The following STK11IP variants were observed in gnomAD, a reference collection of about 807,000 sequenced individuals.
STK11IP encodes serine/threonine-protein kinase 11-interacting protein.
A neutral mutation model predicts 131.7 loss-of-function variants in STK11IP; 103 were observed. The observed-to-expected ratio is 0.78, with a 90% CI of 0.67 to 0.92. The LOEUF is 0.92. STK11IP is among the 40% of genes least tolerant of loss of function. The pLI is 0.00. For synonymous variants in STK11IP, 557 were observed against 575.6 expected, an observed-to-expected ratio of 0.97 and a Z score of 0.46; for missense variants, 1,315 against 1,385.7, an observed-to-expected ratio of 0.95 and a Z score of 0.81.
rs543445143 is a variant in STK11IP, at chr2:219,606,626, T to C, written c.988-86T>C. Reference sequence around the variant, plus strand: ...CAGGGTCTTCCTGGTCAGTGGAAAGTAGGGTCCCGCCTTTTGGCTGGCTTG... The same window carrying C: ...CAGGGTCTTCCTGGTCAGTGGAAAGCAGGGTCCCGCCTTTTGGCTGGCTTG... On this transcript the variant is annotated intron_variant, in intron 11 of 24. Transcript: ENST00000456909. The C allele has an allele frequency of 9.8e-4, 1,568 of 1,599,976 alleles. 2 individuals are homozygous for C. Among genetic ancestry groups the C allele is most frequent in the Non-Finnish European group, 1.2e-3 (1,456 of 1,171,294 alleles).
At chr2:219,613,091 T>A (rs1698444926) in intron 19 of STK11IP, 37 bp from the exon 20 acceptor site, 1 of 1,576,766 alleles carries the variant, frequency 6.3e-7, no homozygotes, top group South Asian at 1.1e-5. Context: ...TCCCCAGGCC[T>A]CTCATCAGGT....
At chr2:219,606,962 CA>C in intron 12 of STK11IP, 90 bp from the exon 13 acceptor site, 1 of 1,598,858 alleles carries the variant, frequency 6.3e-7, no homozygotes, top group Non-Finnish European at 8.5e-7. Flanking sequence ...TGCACGTGGT[CA>C]AGGTTTCTTT....
chr2:219,611,196 C>T (rs1000783622), intron 17 of STK11IP, among the ~76,000 whole-genome samples: 7 of 152,154 alleles, frequency 4.6e-5, no homozygotes, highest in Non-Finnish European at 1.0e-4. Flanking sequence ...GGAATTGGAC[C>T]GAAATTTGGC....
chr2:219,602,156 C>G, intron 5 of STK11IP, 73 bp downstream of exon 5: 2 of 1,141,054 alleles, frequency 1.8e-6, no homozygotes, highest in Non-Finnish European at 2.6e-6. Flanking sequence ...GATGTTCTCC[C>G]CTCTCTGCAG....
intron 2 of STK11IP, among the ~76,000 whole-genome samples, chr2:219,600,298 C>A (rs375256913): frequency 6.6e-6 from 1 of 151,844 alleles, no homozygotes; most frequent in Non-Finnish European, 1.5e-5. Flanking sequence ...TTAGTGGAGA[C>A]GGGGTTTCAC....
chr2:219,609,737 A>T, intron 17 of STK11IP, 197 bp downstream of exon 17: 2 of 541,578 alleles, frequency 3.7e-6, no homozygotes, highest in East Asian at 3.2e-5. Flanking sequence ...AGAAGAAACT[A>T]TATCCTGTTT....
At position 219,611,664 on chromosome 2, in the gene STK11IP, G is replaced by A. The variant is rs370383207; in HGVS notation, c.2165G>A (p.Arg722Gln). 6.2e-6 allele frequency: 10 copies of A among 1,613,052 alleles called. No individual in the cohort carries two copies. Among genetic ancestry groups the A allele is most frequent in the African/African-American group, 2.7e-5 (2 of 74,884 alleles). ...CACGTGGTTCTCCTCGCTGTGTCTC[G>A]GGGAACCCCCAACAGGGAGCGGAAA... is the stretch of plus-strand genomic sequence containing the variant. The part of the protein sequence containing the change: ...SDHVVLLAVS[R>Q]GTPNRERKQG... The change falls in exon 18 of 25, where the codon CGG becomes CAG. Residue 722 changes from arginine (R) to glutamine (Q), a missense_variant. Coordinates refer to ENST00000456909, the MANE Select transcript of STK11IP (RefSeq NM_052902.4).
At chr2:219,609,579 C>A (rs1468020046) in intron 17 of STK11IP, 39 bp downstream of exon 17, 1 of 1,550,766 alleles carries the variant, frequency 6.4e-7, no homozygotes, top group East Asian at 2.4e-5. Flanking sequence ...CCACACGCCT[C>A]CCCTGTTCCA....
intron 7 of STK11IP, among the ~76,000 whole-genome samples, chr2:219,605,249 A>G (rs2106152245): frequency 6.6e-6 from 1 of 152,344 alleles, no homozygotes; most frequent in Non-Finnish European, 1.5e-5. Context: ...TTTGCTAACT[A>G]ACTGGCACTT....
At position 219,609,431 on chromosome 2, in the gene STK11IP, C is replaced by A; in HGVS notation, c.1995C>A (p.Leu665=). The change falls in exon 17 of 25, where the codon CTC becomes CTA. Residue 665 remains leucine (L), a synonymous_variant. Coordinates refer to ENST00000456909, the MANE Select transcript of STK11IP (RefSeq NM_052902.4). ...AACAGCTTGGGGAGGCCAGGGACCTCCTGCTGGGTAGATTCCAGTGTCTAC... is the reference window on the plus strand; with the variant it reads ...AACAGCTTGGGGAGGCCAGGGACCTACTGCTGGGTAGATTCCAGTGTCTAC... ...AREQLGEARD[L]LLGRFQCLRC... is the part of the protein sequence containing the mutation. 6.2e-7 allele frequency: 1 copy of A among 1,612,914 alleles called. No homozygotes were observed. The highest frequency in any genetic ancestry group is 1.7e-4 in the Middle Eastern group (1 of 6,060).
chr2:219,608,691 T>C lies in STK11IP; in HGVS notation c.1712T>C (p.Leu571Pro). The part of the protein sequence containing the change: ...VTSAHLFEVE[L>P]QAARTLERLE... ...TCTGCCCACCTGTTTGAGGTGGAAC[T>C]CCAAGCAGCTCGCACCTTGGAGCGA... The change falls in exon 15 of 25, where the codon CTC becomes CCC. Residue 571 changes from leucine to proline, a missense_variant. By Grantham distance (98) the Leu-to-Pro change is moderately conservative. Coordinates refer to ENST00000456909, the MANE Select transcript of STK11IP (RefSeq NM_052902.4). The C allele has an allele frequency of 1.9e-6, 3 of 1,613,624 alleles. No homozygotes were observed. Among genetic ancestry groups the C allele is most frequent in the Non-Finnish European group, 2.5e-6 (3 of 1,179,832 alleles).
At chr2:219,599,590 G>T (rs980004995) in intron 2 of STK11IP, among the ~76,000 whole-genome samples, 2 of 152,198 alleles carry the variant, frequency 1.3e-5, no homozygotes, top group Non-Finnish European at 2.9e-5. Context: ...TGAATGGTGG[G>T]TGTGTGAATG....
At position 219,603,860 on chromosome 2, in the gene STK11IP, C is replaced by T. The variant is rs117485313; in HGVS notation, c.618+1084C>T. Among the ~76,000 whole-genome samples the T allele has an allele frequency of 3.3e-5, 5 of 152,058 alleles. No homozygotes were observed. The East Asian group carries it at 7.7e-4, about 23-fold the overall frequency. Reference sequence around the variant, plus strand: ...TTTTATCAGTGATAAACTATTGCAGCGGGGAAGAGGGTGCAACCTGAACTG... The same window carrying T: ...TTTTATCAGTGATAAACTATTGCAGTGGGGAAGAGGGTGCAACCTGAACTG... On this transcript the variant is annotated intron_variant, in intron 7 of 24. Coordinates refer to ENST00000456909, the MANE Select transcript of STK11IP (RefSeq NM_052902.4).
At chr2:219,599,987 T>C (rs1218222999) in intron 2 of STK11IP, among the ~76,000 whole-genome samples, 1 of 151,076 alleles carries the variant, frequency 6.6e-6, no homozygotes, top group South Asian at 2.1e-4. Flanking sequence ...CCACCCGCCT[T>C]GGCCTCCCAA....
At chr2:219,615,727 G>T (rs1452171788) in intron 24 of STK11IP, 5 of 650,682 alleles carry the variant, frequency 7.7e-6, no homozygotes, top group Non-Finnish European at 1.5e-5. Context: ...TGAGGCTTGG[G>T]GATGTTAACC....
chr2:219,608,176 C>G lies in STK11IP; in HGVS notation c.1349C>G (p.Thr450Ser). 6.2e-7 allele frequency: 1 copy of G among 1,613,668 alleles called. No homozygotes were observed. ...SGNPLPATPT[T>S]SAPSAPPASS... Reference sequence around the variant, plus strand: ...AACCCTCTGCCGGCCACCCCCACTACTTCTGCACCCAGTGCACCTCCAGCC... The same window carrying G: ...AACCCTCTGCCGGCCACCCCCACTAGTTCTGCACCCAGTGCACCTCCAGCC... The change falls in exon 14 of 25, where the codon ACT (threonine) becomes AGT (serine). Residue 450 changes from threonine (T) to serine (S), a missense_variant. By Grantham distance (58) the Thr-to-Ser change is moderately conservative (BLOSUM62 1). Transcript: ENST00000456909.
intron 23 of STK11IP, 114 bp downstream of exon 23, chr2:219,614,660 A>T: frequency 9.7e-7 from 1 of 1,030,816 alleles, no homozygotes; most frequent in South Asian, 1.3e-5. Context: ...CAGTTCCTGG[A>T]ACCTGGAGAA....
chr2:219,607,285 T>A, intron 13 of STK11IP, 148 bp downstream of exon 13: 1 of 789,340 alleles, frequency 1.3e-6, no homozygotes, highest in Non-Finnish European at 2.0e-6. Flanking sequence ...TCTTTTCTTT[T>A]AGTTTAGGGA....
At position 219,598,038 on chromosome 2, in the gene STK11IP, G is replaced by T. The variant is rs752044994; in HGVS notation, c.-26-56G>T. ...CGCCTCGGTTTGCGCGGACGCCCTGGGCTTTTGGCACTACCGCCCACCTGA... is the reference window on the plus strand; with the variant it reads ...CGCCTCGGTTTGCGCGGACGCCCTGTGCTTTTGGCACTACCGCCCACCTGA... On this transcript the variant is annotated intron_variant, in intron 1 of 24. Transcript: ENST00000456909. 63 of 1,569,042 alleles carry T rather than the reference G, an allele frequency of 4.0e-5. No homozygotes were observed. In the East Asian group the frequency reaches 4.8e-4, roughly 12 times the overall value.
Sources: allele counts gnomAD v4.1 joint callset (sites outside exome capture counted in the v4.1 genomes callset), GRCh38; gene constraint gnomAD v4.1.1; transcripts MANE v1.5; gene names NCBI Gene and HGNC (gene_info 2026-07-23, HGNC 2026-07-21).